FBXL8: variants seen among roughly 807,000 people sequenced by gnomAD.
FBXL8 encodes the protein F-box/LRR-repeat protein 8.
A neutral mutation model predicts 8.2 loss-of-function variants in FBXL8; 13 were observed. The ratio of observed to expected loss-of-function variants is 1.58; its 90% CI spans 1.03 to 2.51. The LOEUF (loss-of-function observed/expected upper bound fraction) is 2.51, where lower values mean the gene tolerates loss of function less well. FBXL8 is among the 30% of genes most tolerant of loss of function. The pLI is 0.00. For missense variants in FBXL8, 565 were observed against 540.4 expected (o/e 1.05, Z -0.45); for synonymous variants, 271 against 260.5 (o/e 1.04, Z -0.39).
chr16:67,161,968 A>C, intron 2 of FBXL8, 31 bp downstream of exon 2: 2 of 1,562,334 alleles, frequency 1.3e-6, no homozygotes, highest in Non-Finnish European at 1.7e-6. Context: ...TCCTCTCCCC[A>C]CCGCCCACTC....
intron 2 of FBXL8, 128 bp downstream of exon 2, chr16:67,162,065 C>T: frequency 7.7e-7 from 1 of 1,291,692 alleles, no homozygotes; most frequent in Non-Finnish European, 1.0e-6. Flanking sequence ...CGTGGTGGCT[C>T]ATGCCTGTAA....
Position 67,163,486 on chromosome 16 carries a change from C to G in FBXL8, c.791C>G (p.Ala264Gly). Reference sequence around the variant, plus strand: ...CTGGAGCTGGAGCCCGCGCTGCCCGCTGAGAGCGTGACGCGCGTCCTGCAG... The same window carrying G: ...CTGGAGCTGGAGCCCGCGCTGCCCGGTGAGAGCGTGACGCGCGTCCTGCAG... ...VELELEPALP[A>G]ESVTRVLQPA... The change falls in exon 3 of 3, where the codon GCT becomes GGT. Residue 264 changes from alanine (A) to glycine (G), a missense_variant. Coordinates refer to ENST00000258200, the MANE Select transcript of FBXL8 (RefSeq NM_018378.3). 1 of 1,537,740 alleles carries G rather than the reference C, an allele frequency of 6.5e-7. No homozygotes were observed. The highest frequency in any genetic ancestry group is 1.4e-5 in the African/African-American group (1 of 72,902).
rs1428103922 is a variant in FBXL8 at position 67,163,507 on chromosome 16, T to C, written c.812T>C (p.Leu271Pro). ...ALPAESVTRV[L>P]QPAVPVAALR... is the part of the protein sequence containing the mutation. ...CCCGCTGAGAGCGTGACGCGCGTCC[T>C]GCAGCCAGCCGTCCCCGTGGCTGCG... Residue 271 changes from leucine to proline, a missense_variant, in exon 3 of 3, where the codon CTG (leucine) becomes CCG (proline). Leu to Pro is a moderately conservative substitution (Grantham distance 98, BLOSUM62 -3). Transcript: ENST00000258200. 1 of 1,547,580 alleles carries C rather than the reference T, an allele frequency of 6.5e-7. No homozygotes were observed. The highest frequency in any genetic ancestry group is 1.9e-5 in the Admixed American group (1 of 53,360).
intron 2 of FBXL8, 100 bp downstream of exon 2, chr16:67,162,037 AAAT>A: frequency 7.1e-7 from 1 of 1,398,990 alleles, no homozygotes; most frequent in East Asian, 2.7e-5. Context: ...CCATATTAAA[AAAT>A]AATTGCTGGC....
At chr16:67,162,624 C>G (rs1376327517) in intron 2 of FBXL8, 4 of 724,554 alleles carry the variant, frequency 5.5e-6, no homozygotes, top group South Asian at 2.9e-5. Context: ...ATCATTGGCT[C>G]TCCATGTCCA....
chr16:67,161,570 G>A (rs2030903336), intron 1 of FBXL8, 165 bp from the exon 2 acceptor site: 1 of 479,664 alleles, frequency 2.1e-6, no homozygotes, highest in Non-Finnish European at 3.6e-6. Context: ...TTTAGTAGGT[G>A]AGGCGGTGAA....
In FBXL8 at chr16:67,162,831, C is replaced by A; in HGVS notation, c.153-17C>A. ...AGGGACTCAGCTGAGGCCTTTTCTG[C>A]ACGGCTCTAACCCAAGTTGCGAATG... On this transcript the variant is annotated splice_polypyrimidine_tract_variant and intron_variant, in intron 2 of 2. Transcript: ENST00000258200. 4 of 1,550,118 alleles carry A rather than the reference C, an allele frequency of 2.6e-6. No individual in the cohort carries two copies. Among genetic ancestry groups the A allele is most frequent in the Non-Finnish European group, 3.5e-6 (4 of 1,146,666 alleles).
Position 67,163,334 on chromosome 16 carries a change from G to A in FBXL8, c.639G>A (p.Ala213=). ...LSHAILEALA[A]PDRAPFALLA... ...ACGCCATCCTCGAAGCACTGGCGGC[G>A]CCAGACCGAGCGCCTTTCGCGCTCT... The change falls in exon 3 of 3, where the codon GCG becomes GCA. Residue 213 remains alanine (A), a synonymous_variant. Coordinates refer to ENST00000258200, the MANE Select transcript of FBXL8 (RefSeq NM_018378.3). 1 of 1,565,726 alleles carries A rather than the reference G, an allele frequency of 6.4e-7. No individual in the cohort carries two copies. The highest frequency in any genetic ancestry group is 8.6e-7 in the Non-Finnish European group (1 of 1,160,018).
chr16:67,160,959 G>C (rs1448442053), intron 1 of FBXL8, among the ~76,000 whole-genome samples: 1 of 152,040 alleles, frequency 6.6e-6, no homozygotes, highest in Non-Finnish European at 1.5e-5. Flanking sequence ...GTCTTAGGAA[G>C]CACCCGGGAC....
At chr16:67,162,264 G>GGTTGCA (rs2030940179) in intron 2 of FBXL8, 1 of 404,296 alleles carries the variant, frequency 2.5e-6, no homozygotes, top group African/African-American at 2.0e-5. Flanking sequence ...GGGAGGCAAA[G>GGTTGCA]GTTGCAGTGA....
At chr16:67,162,203 C>T (rs1597233225) in intron 2 of FBXL8, 1 of 397,244 alleles carries the variant, frequency 2.5e-6, no homozygotes, top group Admixed American at 4.2e-5. Flanking sequence ...GTGGTGGGCG[C>T]CTATAATTCT....
In FBXL8 at chr16:67,164,104, G is replaced by A. The variant is rs1267717585; in HGVS notation, c.*284G>A. The stretch of plus-strand genomic sequence containing the variant: ...GACTCTGCAGCTCCGCGGCCCCGGC[G>A]CAGGGAGAGGGAGGGCACGGGCGCG... On this transcript the variant is annotated 3_prime_UTR_variant, in exon 3 of 3. Coordinates refer to ENST00000258200, the MANE Select transcript of FBXL8 (RefSeq NM_018378.3). 4.4e-6 allele frequency: 3 copies of A among 679,780 alleles called. No homozygotes were observed. The highest frequency in any genetic ancestry group is 8.0e-6 in the Non-Finnish European group (3 of 372,684). The allele number at this position is 679,780 out of a possible 1,614,324, so 42.1% of individuals were successfully genotyped here.
chr16:67,164,094 C>G lies in FBXL8; in HGVS notation c.*274C>G. ...CCCCTCTGCGGACTCTGCAGCTCCG[C>G]GGCCCCGGCGCAGGGAGAGGGAGGG... is the stretch of plus-strand genomic sequence containing the variant. On this transcript the variant is annotated 3_prime_UTR_variant, in exon 3 of 3. Transcript: ENST00000258200. 2 of 685,456 alleles carry G rather than the reference C, an allele frequency of 2.9e-6. No individual in the cohort carries two copies. Among genetic ancestry groups the G allele is most frequent in the Non-Finnish European group, 2.7e-6 (1 of 376,260 alleles). The allele number at this position is 685,456 out of a possible 1,614,324, so 42.5% of individuals were successfully genotyped here. A position where few individuals can be genotyped will look rare whatever the true frequency, so the allele number is the denominator to read the frequency against.
Position 67,161,732 on chromosome 16 carries a change from C to T in FBXL8, c.-51-3C>T. 6.6e-7 allele frequency: 1 copy of T among 1,506,658 alleles called. No individual in the cohort carries two copies. Among genetic ancestry groups the T allele is most frequent in the Non-Finnish European group, 8.9e-7 (1 of 1,122,764 alleles). 93.3% of individuals were successfully genotyped at this position (1,506,658 alleles called of 1,614,324 possible). ...GACCTCAGAGACGTCCGTCTCTCTC[C>T]AGGCCGGAGCTATTGGGAGTGGCGG... On this transcript the variant is annotated splice_region_variant and splice_polypyrimidine_tract_variant and intron_variant, in intron 1 of 2. Coordinates refer to ENST00000258200, the MANE Select transcript of FBXL8 (RefSeq NM_018378.3).
chr16:67,163,270 G>A lies in FBXL8; in HGVS notation c.575G>A (p.Arg192His). 6.4e-7 allele frequency: 1 copy of A among 1,569,682 alleles called. No homozygotes were observed. The highest frequency in any genetic ancestry group is 1.8e-5 in the Admixed American group (1 of 54,620). The change falls in exon 3 of 3, where the codon CGC (arginine) becomes CAC (histidine). Residue 192 changes from arginine to histidine, a missense_variant. Transcript: ENST00000258200. ...SVLELLEACPRLRALGLHLAS... is the reference protein window; with the variant it reads ...SVLELLEACPHLRALGLHLAS... ...CTCGAGCTACTGGAGGCCTGCCCGC[G>A]CCTGCGCGCTCTCGGCCTGCACCTA... is the stretch of plus-strand genomic sequence containing the variant.
intron 2 of FBXL8, 90 bp from the exon 3 acceptor site, chr16:67,162,758 A>C: frequency 2.0e-6 from 3 of 1,528,724 alleles, no homozygotes; most frequent in Non-Finnish European, 2.7e-6. Context: ...ATGGGATGGC[A>C]GCTGGAACCC....
chr16:67,163,617 G>T lies in FBXL8; in HGVS notation c.922G>T (p.Val308Leu). Reference protein sequence around the residue: ...HYAATLCALEVRAAASAELNA... With the variant: ...HYAATLCALELRAAASAELNA... ...CGCCGCAACCCTGTGCGCGCTCGAG[G>T]TGCGCGCAGCCGCTTCGGCCGAGCT... Residue 308 changes from valine (V) to leucine (L), a missense_variant, in exon 3 of 3, where the codon GTG becomes TTG. Coordinates refer to ENST00000258200, the MANE Select transcript of FBXL8 (RefSeq NM_018378.3). The T allele has an allele frequency of 6.4e-7, 1 of 1,567,670 alleles. No homozygotes were observed.
At chr16:67,160,709 T>TCAAAA (rs558063676) in intron 1 of FBXL8, among the ~76,000 whole-genome samples, 5 of 152,092 alleles carry the variant, frequency 3.3e-5, no homozygotes, top group Admixed American at 1.3e-4. Context: ...AGATTCCGTC[T>TCAAAA]CAAAACAAAA....
rs1201968954 is a variant in FBXL8, at chr16:67,161,666, A to AC, written c.-51-68dup. Reference sequence around the variant, plus strand: ...AGTTCCTCAGGCCACAAGCATTTGTACACCTAAGCTCGGTCTTCCTGCAAC... The same window carrying AC: ...AGTTCCTCAGGCCACAAGCATTTGTACCACCTAAGCTCGGTCTTCCTGCAAC... On this transcript the variant is annotated intron_variant, in intron 1 of 2. Coordinates refer to ENST00000258200, the MANE Select transcript of FBXL8 (RefSeq NM_018378.3). The AC allele has an allele frequency of 1.9e-5, 24 of 1,282,574 alleles. No individual in the cohort carries two copies. In the Admixed American group the frequency reaches 4.3e-4, roughly 23 times the overall value. The allele number at this position is 1,282,574 out of a possible 1,614,324, so 79.4% of individuals were successfully genotyped here.
Sources: allele counts gnomAD v4.1 joint callset (sites outside exome capture counted in the v4.1 genomes callset), GRCh38; gene constraint gnomAD v4.1.1; transcripts MANE v1.5; gene names NCBI Gene and HGNC (gene_info 2026-07-23, HGNC 2026-07-21).